Variants in INPP4B observed in about 807,000 individuals in gnomAD.
INPP4B encodes inositol polyphosphate 4-phosphatase type II.
In INPP4B, 55 loss-of-function variants were observed where a neutral mutation model predicts 122.5. The observed-to-expected ratio is 0.45, with a 90% CI of 0.36 to 0.56. INPP4B has a LOEUF of 0.56. INPP4B is among the 20% of genes least tolerant of loss of function. The pLI is 0.00. For synonymous variants in INPP4B, 403 were observed against 388.7 expected, an observed-to-expected ratio of 1.04 and a Z score of -0.43; for missense variants, 1,000 against 1,097.7, an observed-to-expected ratio of 0.91 and a Z score of 1.26.
chr4:142,564,247 G>T (rs1400642671), intron 2 of INPP4B, among the ~76,000 whole-genome samples: 3 of 152,138 alleles, frequency 2.0e-5, no homozygotes, highest in Non-Finnish European at 4.4e-5. Flanking sequence ...ACCTGGGGAA[G>T]CCAGGAAGGC....
chr4:142,379,517 A>G (rs760615425), intron 7 of INPP4B, among the ~76,000 whole-genome samples: 2 of 152,184 alleles, frequency 1.3e-5, no homozygotes, highest in African/African-American at 4.8e-5. Context: ...TAATTTTCAC[A>G]TGAGTTTAAA....
At chr4:142,365,819 C>T (rs6842192) in intron 7 of INPP4B, among the ~76,000 whole-genome samples, 61,419 of 151,648 alleles carry the variant, frequency 0.41, 12,769 homozygotes, top group East Asian at 0.64. Context: ...CAATTTTTTT[C>T]CCTCACTTAC....
rs138498764 is a variant in INPP4B, at chr4:142,348,167, G to A, written c.373-33405C>T. Reference sequence around the variant, plus strand: ...ATGATACAGGGGTGAAGTGGACAACGGCATTAGAGCTGAAGAGGGCGCATG... The same window carrying A: ...ATGATACAGGGGTGAAGTGGACAACAGCATTAGAGCTGAAGAGGGCGCATG... On this transcript the variant is annotated intron_variant, in intron 7 of 25. Transcript: ENST00000262992. 5.4e-3 allele frequency among the ~76,000 whole-genome samples: 824 copies of A among 151,958 alleles called. 12 individuals are homozygous for A. Among genetic ancestry groups the A allele is most frequent in the African/African-American group, 0.018 (735 of 41,468 alleles).
intron 11 of INPP4B, among the ~76,000 whole-genome samples, chr4:142,249,667 C>A (rs1244472639): frequency 6.6e-6 from 1 of 152,148 alleles, no homozygotes; most frequent in Non-Finnish European, 1.5e-5. Flanking sequence ...AATTGAAAGG[C>A]AAAGAAGCTG....
intron 11 of INPP4B, among the ~76,000 whole-genome samples, chr4:142,243,526 C>T: frequency 6.6e-6 from 1 of 152,146 alleles, no homozygotes; most frequent in South Asian, 2.1e-4. Context: ...ATGTTATAAG[C>T]CAAGATGGCC....
chr4:142,667,491 G>A (rs1422289290), intron 2 of INPP4B, among the ~76,000 whole-genome samples: 2 of 152,144 alleles, frequency 1.3e-5, no homozygotes, highest in Non-Finnish European at 2.9e-5. Context: ...CCAGGTTATG[G>A]AGTCAAACTA....
chr4:142,581,306 T>C (rs1434040126), intron 2 of INPP4B, among the ~76,000 whole-genome samples: 2 of 152,048 alleles, frequency 1.3e-5, no homozygotes, highest in South Asian at 2.1e-4. Context: ...CAAGTATTTC[T>C]ACACAGCTGT....
At position 142,125,658 on chromosome 4, in the gene INPP4B, C is replaced by T. The variant is rs184620474; in HGVS notation, c.1721-898G>A. 2.0e-3 allele frequency among the ~76,000 whole-genome samples: 300 copies of T among 152,162 alleles called. 1 individual carries two copies. Among genetic ancestry groups the T allele is most frequent in the African/African-American group, 7.0e-3 (291 of 41,514 alleles). On this transcript the variant is annotated intron_variant, in intron 18 of 25. Coordinates refer to ENST00000262992, the MANE Select transcript of INPP4B (RefSeq NM_001101669.3). ...GATTTCTCTTCTCCAGGAAGTCTTC[C>T]TTCATTTCCCCCTTACTACACTTCC...
At chr4:142,768,736 G>C (rs1210908440) in intron 1 of INPP4B, among the ~76,000 whole-genome samples, 1 of 152,074 alleles carries the variant, frequency 6.6e-6, no homozygotes, top group African/African-American at 2.4e-5. Flanking sequence ...AGCTTTTAGA[G>C]AACAGCCAGG....
chr4:142,792,688 G>A (rs1376878783), intron 1 of INPP4B, among the ~76,000 whole-genome samples: 1 of 151,994 alleles, frequency 6.6e-6, no homozygotes, highest in African/African-American at 2.4e-5. Flanking sequence ...AGTCTTCTCA[G>A]ATGGAAAAAT....
At chr4:142,313,157 A>T (rs1561828180) in intron 8 of INPP4B, among the ~76,000 whole-genome samples, 1 of 152,144 alleles carries the variant, frequency 6.6e-6, no homozygotes, top group Non-Finnish European at 1.5e-5. Flanking sequence ...TAAAATAATT[A>T]AGATGGATTC....
At chr4:142,636,684 AT>A (rs985658332) in intron 2 of INPP4B, among the ~76,000 whole-genome samples, 25 of 152,214 alleles carry the variant, frequency 1.6e-4, no homozygotes, top group African/African-American at 5.5e-4. Flanking sequence ...TAAGAAAAAA[AT>A]ATTCTATATG....
intron 2 of INPP4B, among the ~76,000 whole-genome samples, chr4:142,616,289 G>A (rs561671643): frequency 1.3e-5 from 2 of 152,064 alleles, no homozygotes; most frequent in Admixed American, 6.6e-5. Context: ...CCTAGAGAGG[G>A]AGTCTTAAAA....
At chr4:142,149,937 G>C (rs2152860136) in intron 17 of INPP4B, among the ~76,000 whole-genome samples, 1 of 152,306 alleles carries the variant, frequency 6.6e-6, no homozygotes, top group Admixed American at 6.5e-5. Flanking sequence ...CTAGAAGACT[G>C]GAGTACATGA....
chr4:142,387,944 C>T (rs1275770941), intron 7 of INPP4B, among the ~76,000 whole-genome samples: 2 of 152,176 alleles, frequency 1.3e-5, no homozygotes, highest in Non-Finnish European at 2.9e-5. Context: ...GGTCTGTGCT[C>T]TTACCACAGC....
chr4:142,246,904 G>A (rs1430557134), intron 11 of INPP4B, among the ~76,000 whole-genome samples: 1 of 152,160 alleles, frequency 6.6e-6, no homozygotes. Flanking sequence ...TCCAGCTTTT[G>A]CCCATTCAGT....
At chr4:142,546,762 A>C (rs1276098893) in intron 2 of INPP4B, among the ~76,000 whole-genome samples, 1 of 152,176 alleles carries the variant, frequency 6.6e-6, no homozygotes, top group Non-Finnish European at 1.5e-5. Flanking sequence ...CATTAACGCA[A>C]CTTGGACAAA....
chr4:142,331,139 A>G (rs2151536053), intron 7 of INPP4B, among the ~76,000 whole-genome samples: 1 of 152,312 alleles, frequency 6.6e-6, no homozygotes. Context: ...TTTTGTCTTT[A>G]AGAAGAGTGG....
At chr4:142,720,778 T>TATATA (rs1350928895) in intron 2 of INPP4B, among the ~76,000 whole-genome samples, 1 of 14,762 alleles carries the variant, frequency 6.8e-5, no homozygotes, top group African/African-American at 2.6e-4. Flanking sequence ...TCTCTCTCTC[T>TATATA]CTCTCTCTCT....
Sources: gnomAD v4.1 joint callset for allele counts (sites outside exome capture counted in the v4.1 genomes callset) on GRCh38, gnomAD v4.1.1 for gene constraint, MANE v1.5 for transcripts, NCBI Gene and HGNC (gene_info 2026-07-23, HGNC 2026-07-21) for gene names.